The following MACF1 variants were observed in gnomAD, a reference collection of about 807,000 sequenced individuals.
MACF1 encodes the protein microtubule actin crosslinking factor 1, also known as microtubule-actin cross-linking factor 1.
A neutral mutation model predicts 854.8 loss-of-function variants in MACF1; 193 were observed. The ratio of observed to expected loss-of-function variants is 0.23; its 90% confidence interval spans 0.20 to 0.25. MACF1 has a LOEUF of 0.25. Among genes scored for constraint, MACF1 ranks in the 10% least tolerant of loss-of-function variants. The pLI is 1.00. For missense variants in MACF1, 7,722 were observed against 8,929.1 expected (o/e 0.86, Z 5.45); for synonymous variants, 3,185 against 3,226.7 (o/e 0.99, Z 0.44).
intron 2 of MACF1, among the ~76,000 whole-genome samples, chr1:39,119,024 A>C (rs1642617480): frequency 6.6e-6 from 1 of 152,220 alleles, no homozygotes; most frequent in Non-Finnish European, 1.5e-5. Context: ...TGGTCTTTAA[A>C]TATAACAAGT....
At chr1:39,348,038 T>G (rs141660486) in intron 41 of MACF1, among the ~76,000 whole-genome samples, 18 of 152,310 alleles carry the variant, frequency 1.2e-4, no homozygotes, top group African/African-American at 4.1e-4. Flanking sequence ...GAATTGTCAT[T>G]ATCACCATAA....
At chr1:39,197,430 A>G (rs1186408935) in intron 2 of MACF1, among the ~76,000 whole-genome samples, 2 of 152,124 alleles carry the variant, frequency 1.3e-5, no homozygotes, top group South Asian at 2.1e-4. Flanking sequence ...TTTTCCCCCA[A>G]ATTTCCTAGG....
In MACF1 at chr1:39,204,743, C is replaced by T; in HGVS notation, c.-280C>T. 1 of 365,168 alleles carries T rather than the reference C, an allele frequency of 2.7e-6. No individual in the cohort carries two copies. Among genetic ancestry groups the T allele is most frequent in the Non-Finnish European group, 5.0e-6 (1 of 198,094 alleles). The allele number at this position is 365,168 out of a possible 1,614,324, so 22.6% of individuals were successfully genotyped here. On this transcript the variant is annotated 5_prime_UTR_variant, in exon 1 of 101. Transcript: ENST00000564288. ...TGGCTTAGGCGCTCCTTTTCACTCT[C>T]CTTGTTCCTTCTTCCCTTTCCCCTC...
In MACF1 at chr1:39,447,700, T is replaced by C; in HGVS notation, c.19770T>C (p.Ala6590=). Residue 6590 remains alanine, a synonymous_variant, in exon 82 of 101, where the codon GCT becomes GCC. Transcript: ENST00000564288. ...CACTATTGTTCCCTCAGGTTTTTGC[T>C]AATGAAGTAAATGCTCATCGAGACC... ...LSQIEEHKVF[A]NEVNAHRDQI... 1.2e-6 allele frequency: 2 copies of C among 1,614,198 alleles called. No individual in the cohort carries two copies. Among genetic ancestry groups the C allele is most frequent in the South Asian group, 1.1e-5 (1 of 91,082 alleles).
chr1:39,164,829 C>T (rs548617888), intron 2 of MACF1, among the ~76,000 whole-genome samples: 1 of 152,344 alleles, frequency 6.6e-6, no homozygotes, highest in East Asian at 1.9e-4. Context: ...ACTGTGTCAA[C>T]ACACCCCTGC....
At chr1:39,419,981 G>C (rs1270039544) in intron 58 of MACF1, among the ~76,000 whole-genome samples, 1 of 151,894 alleles carries the variant, frequency 6.6e-6, no homozygotes, top group Non-Finnish European at 1.5e-5. Flanking sequence ...TTACTTTTCT[G>C]TGTCATTTAA....
intron 2 of MACF1, among the ~76,000 whole-genome samples, chr1:39,157,680 T>C (rs966699809): frequency 2.6e-5 from 4 of 152,208 alleles, no homozygotes; most frequent in African/African-American, 9.7e-5. Context: ...TGTGTGACTT[T>C]TGGGCAGATT....
intron 2 of MACF1, among the ~76,000 whole-genome samples, chr1:39,165,290 A>G (rs1301060485): frequency 1.3e-5 from 2 of 152,154 alleles, no homozygotes; most frequent in Non-Finnish European, 2.9e-5. Context: ...GGAAGTCTGC[A>G]TGCTTCTGGG....
chr1:39,295,798 T>C lies in MACF1; in HGVS notation c.2271T>C (p.Ala757=), dbSNP rs1178484883. The C allele has an allele frequency of 6.2e-7, 1 of 1,613,990 alleles. No individual in the cohort carries two copies. The highest frequency in any genetic ancestry group is 8.5e-7 in the Non-Finnish European group (1 of 1,179,896). The change falls in exon 20 of 101, where the codon GCT becomes GCC. Residue 757 remains alanine (A), a synonymous_variant. Coordinates refer to ENST00000564288, the MANE Select transcript of MACF1 (RefSeq NM_001394062.1). ...PAKQTVEAYS[A]AVQSQLQWMK... ...CTTGTTTATTGCAGGCTTACAGTGC[T>C]GCTGTCCAGTCCCAGTTGCAGTGGA...
At chr1:39,262,522 CAG>C (rs546898203) in intron 6 of MACF1, among the ~76,000 whole-genome samples, 11 of 150,628 alleles carry the variant, frequency 7.3e-5, no homozygotes, top group Admixed American at 6.6e-4. Flanking sequence ...AATAACTTGA[CAG>C]AGGTTTAGAG....
chr1:39,296,805 AG>A (rs1645920293), intron 20 of MACF1, among the ~76,000 whole-genome samples: 5 of 116,784 alleles, frequency 4.3e-5, no homozygotes, highest in South Asian at 2.4e-4. Flanking sequence ...AGGAAGGAAA[AG>A]AAAGAAAGGA....
At chr1:39,165,772 A>G (rs1643875958) in intron 2 of MACF1, among the ~76,000 whole-genome samples, 1 of 152,210 alleles carries the variant, frequency 6.6e-6, no homozygotes. Context: ...GGTACTTTCA[A>G]TGAATACCAG....
intron 98 of MACF1, 164 bp downstream of exon 98, chr1:39,480,173 CCT>C: frequency 2.1e-6 from 1 of 478,668 alleles, no homozygotes; most frequent in Non-Finnish European, 3.8e-6. Flanking sequence ...TCAAGACTGC[CCT>C]GTTCCTAGCA....
At chr1:39,151,285 G>A (rs577345548) in intron 2 of MACF1, among the ~76,000 whole-genome samples, 1 of 152,220 alleles carries the variant, frequency 6.6e-6, no homozygotes, top group South Asian at 2.1e-4. Flanking sequence ...CCTTTCCTTT[G>A]TTTTGATAAC....
intron 58 of MACF1, among the ~76,000 whole-genome samples, chr1:39,416,464 G>A (rs1643313368): frequency 6.7e-6 from 1 of 149,782 alleles, no homozygotes; most frequent in Admixed American, 6.7e-5. Context: ...AGGCAACATA[G>A]TAAGACCCCA....
At position 39,284,306 on chromosome 1, in the gene MACF1, T is replaced by C. The variant is rs199629560; in HGVS notation, c.1036-27T>C. On this transcript the variant is annotated intron_variant, in intron 10 of 100. Coordinates refer to ENST00000564288, the MANE Select transcript of MACF1 (RefSeq NM_001394062.1). ...AATTGGGTCCTATAGTTTGTGTCCA[T>C]TTATTCACCAAATATTAATTTTATA... 29 of 1,565,362 alleles carry C rather than the reference T, an allele frequency of 1.9e-5. No homozygotes were observed. In the Admixed American group the frequency reaches 5.7e-4, roughly 31 times the overall value.
chr1:39,436,924 T>C (rs1643990100), intron 70 of MACF1, among the ~76,000 whole-genome samples: 1 of 152,262 alleles, frequency 6.6e-6, no homozygotes, highest in South Asian at 2.1e-4. Flanking sequence ...TTACCTTTCA[T>C]TATTCCAACG....
intron 57 of MACF1, 35 bp from the exon 58 acceptor site, chr1:39,387,152 G>C: frequency 6.2e-7 from 1 of 1,600,886 alleles, no homozygotes; most frequent in South Asian, 1.1e-5. Context: ...CAGGGTTCAG[G>C]CTTTATTGAT....
chr1:39,436,405 T>C, intron 70 of MACF1: 4 of 1,504,022 alleles, frequency 2.7e-6, no homozygotes, highest in Non-Finnish European at 3.7e-6. Context: ...TGTGTTACTT[T>C]GTGTTGTTGC....
Sources: allele counts gnomAD v4.1 joint callset (sites outside exome capture counted in the v4.1 genomes callset), GRCh38; gene constraint gnomAD v4.1.1; transcripts MANE v1.5; gene names NCBI Gene and HGNC (gene_info 2026-07-23, HGNC 2026-07-21).